FBXL13: variants seen among roughly 807,000 people sequenced by gnomAD.
FBXL13 encodes F-box and leucine-rich repeat protein 13.
A neutral mutation model predicts 83.6 loss-of-function variants in FBXL13; 67 were observed. The observed-to-expected ratio is 0.80, with a 90% confidence interval of 0.66 to 0.98. FBXL13 has a LOEUF of 0.98. Ranked by LOEUF, FBXL13 falls within the 50% of genes least tolerant of loss-of-function variation. The probability of loss-of-function intolerance (pLI) is 0.00; values close to 1 mark genes in which losing one functional copy is unlikely to be tolerated. For synonymous variants in FBXL13, 272 were observed against 299.5 expected (o/e 0.91, Z 0.95); for missense variants, 822 against 866.5 (o/e 0.95, Z 0.64).
chr7:103,061,086 C>T (rs1797857050), intron 1 of FBXL13, among the ~76,000 whole-genome samples: 1 of 151,920 alleles, frequency 6.6e-6, no homozygotes, highest in African/African-American at 2.4e-5. Context: ...ATGAATATTC[C>T]GGAAGATTAC....
At chr7:102,918,976 A>G (rs1271394435) in intron 10 of FBXL13, among the ~76,000 whole-genome samples, 1 of 152,198 alleles carries the variant, frequency 6.6e-6, no homozygotes, top group Non-Finnish European at 1.5e-5. Context: ...AGTGGTATTC[A>G]ATATTACAGG....
At chr7:102,829,021 G>A (rs1170656607) in intron 18 of FBXL13, among the ~76,000 whole-genome samples, 1 of 152,142 alleles carries the variant, frequency 6.6e-6, no homozygotes, top group East Asian at 1.9e-4. Context: ...GTACTGACTG[G>A]AACAGCCAGG....
At chr7:102,856,853 A>G (rs1584652324) in intron 16 of FBXL13, among the ~76,000 whole-genome samples, 1 of 152,360 alleles carries the variant, frequency 6.6e-6, no homozygotes, top group East Asian at 1.9e-4. Flanking sequence ...AAAATTAAAC[A>G]TAGAGTTATA....
At chr7:103,005,154 C>G (rs910022706) in intron 6 of FBXL13, among the ~76,000 whole-genome samples, 1 of 152,016 alleles carries the variant, frequency 6.6e-6, no homozygotes, top group Non-Finnish European at 1.5e-5. Context: ...AATAATGGCC[C>G]AAAAGTAGAT....
intron 1 of FBXL13, chr7:103,074,191 C>T (rs11976834): frequency 2.7e-5 from 26 of 977,228 alleles, no homozygotes; most frequent in Non-Finnish European, 3.0e-5. Context: ...CTCTTCCCTC[C>T]GCTAACCTCC....
In FBXL13 at chr7:102,963,603, C is replaced by T. The variant is rs150271156; in HGVS notation, c.654G>A (p.Arg218=). The change falls in exon 8 of 20, where the codon AGG becomes AGA. Residue 218 remains arginine (R), a synonymous_variant. Coordinates refer to ENST00000313221, the Ensembl canonical transcript of FBXL13. ...TCAAACGCAGCACATTTAAACGCCA[C>T]CTTTGCAAAGTAGACACTATATATT... is the stretch of plus-strand genomic sequence containing the variant. 2.5e-6 allele frequency: 4 copies of T among 1,612,756 alleles called. No individual in the cohort carries two copies. In the African/African-American group the frequency reaches 5.3e-5, roughly 22 times the overall value.
At chr7:103,058,207 T>C (rs1363883785) in intron 1 of FBXL13, among the ~76,000 whole-genome samples, 1 of 152,196 alleles carries the variant, frequency 6.6e-6, no homozygotes. Flanking sequence ...AGCTCAGTCC[T>C]TTAGAGAATG....
chr7:102,818,822 A>G (rs771511162), intron 19 of FBXL13, among the ~76,000 whole-genome samples: 6 of 152,160 alleles, frequency 3.9e-5, no homozygotes, highest in Non-Finnish European at 8.8e-5. Context: ...TCAGGAGTAC[A>G]TGTACAAGAT....
chr7:103,014,888 C>T (rs1452409710), intron 6 of FBXL13, among the ~76,000 whole-genome samples: 2 of 134,766 alleles, frequency 1.5e-5, no homozygotes, highest in East Asian at 4.5e-4. Context: ...CACGCCACTG[C>T]ACTCCAGCCT....
At chr7:102,899,163 C>G (rs1276062074) in intron 11 of FBXL13, among the ~76,000 whole-genome samples, 1 of 152,124 alleles carries the variant, frequency 6.6e-6, no homozygotes, top group Non-Finnish European at 1.5e-5. Flanking sequence ...GATCTGTCCA[C>G]TGGCCTCCCA....
intron 6 of FBXL13, among the ~76,000 whole-genome samples, chr7:102,973,932 G>A (rs1563172839): frequency 6.6e-6 from 1 of 152,206 alleles, no homozygotes; most frequent in South Asian, 2.1e-4. Flanking sequence ...ATTTGATCCC[G>A]TTCCGGGAAC....
chr7:102,989,762 C>CT (rs1178542826), intron 6 of FBXL13, among the ~76,000 whole-genome samples: 1 of 152,218 alleles, frequency 6.6e-6, no homozygotes, highest in African/African-American at 2.4e-5. Context: ...TTCCATCTCT[C>CT]TATTTCTCAA....
intron 17 of FBXL13, among the ~76,000 whole-genome samples, chr7:102,835,049 C>T (rs1049463426): frequency 6.6e-6 from 1 of 152,096 alleles, no homozygotes; most frequent in Non-Finnish European, 1.5e-5. Context: ...AATAAAGATG[C>T]ACAAATGTAT....
chr7:102,936,797 CT>C (rs1319051454), intron 8 of FBXL13, among the ~76,000 whole-genome samples: 1 of 149,392 alleles, frequency 6.7e-6, no homozygotes, highest in African/African-American at 2.5e-5. Context: ...TTTAAAACTT[CT>C]ACAACGAGAC....
rs143342564 is a variant in FBXL13, at chr7:102,817,236, A to C, written c.2019-3705T>G. 2.2e-4 allele frequency among the ~76,000 whole-genome samples: 33 copies of C among 152,276 alleles called. 1 individual carries two copies. In the East Asian group the frequency reaches 6.2e-3, roughly 28 times the overall value. ...TACATTCCCACCACAGTGTAAAAGC[A>C]TTCCCTTTTTTCCACATCCTCACCA... On this transcript the variant is annotated intron_variant, in intron 19 of 19. Coordinates refer to ENST00000313221, the Ensembl canonical transcript of FBXL13.
chr7:103,065,653 G>T (rs1428948061), intron 1 of FBXL13, among the ~76,000 whole-genome samples: 1 of 152,256 alleles, frequency 6.6e-6, no homozygotes, highest in Non-Finnish European at 1.5e-5. Flanking sequence ...AGGACACCCT[G>T]TGGCTCAGAC....
At chr7:102,854,085 G>A (rs1360818728) in intron 17 of FBXL13, among the ~76,000 whole-genome samples, 2 of 151,972 alleles carry the variant, frequency 1.3e-5, no homozygotes, top group Non-Finnish European at 2.9e-5. Context: ...TGTTTATTGT[G>A]GCGCTATTCA....
chr7:102,958,790 A>T (rs1258950893), intron 8 of FBXL13, among the ~76,000 whole-genome samples: 1 of 152,068 alleles, frequency 6.6e-6, no homozygotes, highest in Admixed American at 6.6e-5. Flanking sequence ...GATCAGAAAC[A>T]AACAGTTCCT....
intron 6 of FBXL13, among the ~76,000 whole-genome samples, chr7:102,994,998 A>G (rs1349768951): frequency 6.6e-6 from 1 of 152,210 alleles, no homozygotes; most frequent in Non-Finnish European, 1.5e-5. Context: ...AGATTCGCAC[A>G]TAAAATTTCT....
Sources: allele counts gnomAD v4.1 joint callset (sites outside exome capture counted in the v4.1 genomes callset), GRCh38; gene constraint gnomAD v4.1.1; transcripts MANE v1.5; gene names NCBI Gene and HGNC (gene_info 2026-07-23, HGNC 2026-07-21).